SORCS1: variants seen among roughly 807,000 people sequenced by gnomAD.
The protein encoded by SORCS1 is VPS10 domain-containing receptor SorCS1.
A neutral mutation model predicts 146.1 loss-of-function variants in SORCS1; 60 were observed. The ratio of observed to expected loss-of-function variants is 0.41; its 90% CI spans 0.33 to 0.51. SORCS1 has a LOEUF of 0.51. Among genes scored for constraint, SORCS1 ranks in the 20% least tolerant of loss-of-function variants. The pLI is 0.21. For synonymous variants in SORCS1, 637 were observed against 584.0 expected (o/e 1.09, Z -1.31); for missense variants, 1,352 against 1,487.6 (o/e 0.91, Z 1.50).
At chr10:107,068,827 G>A (rs1251219400) in intron 1 of SORCS1, among the ~76,000 whole-genome samples, 2 of 145,994 alleles carry the variant, frequency 1.4e-5, no homozygotes, top group African/African-American at 5.1e-5. Context: ...AAGAGATCGT[G>A]CCACTGCACT....
intron 1 of SORCS1, among the ~76,000 whole-genome samples, chr10:107,157,619 T>C (rs1226600256): frequency 5.3e-5 from 8 of 152,260 alleles, no homozygotes; most frequent in Non-Finnish European, 1.2e-4. Flanking sequence ...CATATGTGTG[T>C]AAAATCTCAC....
intron 2 of SORCS1, among the ~76,000 whole-genome samples, chr10:106,950,046 A>C (rs545128938): frequency 6.6e-6 from 1 of 152,230 alleles, no homozygotes; most frequent in African/African-American, 2.4e-5. Flanking sequence ...TACCAATATG[A>C]TAAAACCACC....
intron 6 of SORCS1, among the ~76,000 whole-genome samples, chr10:106,727,181 T>G (rs1440432845): frequency 1.3e-5 from 2 of 152,004 alleles, no homozygotes; most frequent in Non-Finnish European, 2.9e-5. Context: ...GTAGCATACA[T>G]GCTAAGGTTT....
chr10:107,035,426 G>A (rs939863949), intron 1 of SORCS1, among the ~76,000 whole-genome samples: 2 of 152,014 alleles, frequency 1.3e-5, no homozygotes, highest in Admixed American at 6.6e-5. Flanking sequence ...CCTGAACCCC[G>A]CAGCTTAGTG....
intron 1 of SORCS1, among the ~76,000 whole-genome samples, chr10:107,101,747 T>TTG (rs1458713194): frequency 8.0e-6 from 1 of 125,090 alleles, no homozygotes; most frequent in Non-Finnish European, 1.8e-5. Context: ...CATGGGCTAA[T>TTG]TATGTGTGTG....
intron 17 of SORCS1, among the ~76,000 whole-genome samples, chr10:106,666,836 G>A (rs1053124075): frequency 2.0e-5 from 3 of 151,928 alleles, no homozygotes; most frequent in African/African-American, 7.3e-5. Context: ...AAAGTGCAGT[G>A]CTGGGACTAC....
chr10:107,056,880 A>AT (rs1305639572), intron 1 of SORCS1, among the ~76,000 whole-genome samples: 2 of 152,230 alleles, frequency 1.3e-5, no homozygotes, highest in Non-Finnish European at 2.9e-5. Flanking sequence ...GGTAATGGAT[A>AT]TATTTCAAAC....
chr10:106,890,598 G>C (rs987282663), intron 2 of SORCS1, among the ~76,000 whole-genome samples: 3 of 152,156 alleles, frequency 2.0e-5, no homozygotes, highest in African/African-American at 7.2e-5. Flanking sequence ...ACAGAAACTG[G>C]TCAAATAAAT....
chr10:106,806,316 C>G (rs1015452743), intron 3 of SORCS1, among the ~76,000 whole-genome samples: 1 of 150,052 alleles, frequency 6.7e-6, no homozygotes, highest in African/African-American at 2.5e-5. Flanking sequence ...TGCAGTGAGC[C>G]GAGATCAGGC....
At chr10:106,917,691 CT>C (rs1280744671) in intron 2 of SORCS1, among the ~76,000 whole-genome samples, 1 of 152,176 alleles carries the variant, frequency 6.6e-6, no homozygotes, top group Non-Finnish European at 1.5e-5. Context: ...AAATCTGCCC[CT>C]GACACCCTGC....
intron 1 of SORCS1, among the ~76,000 whole-genome samples, chr10:107,095,182 G>A (rs1480600022): frequency 6.6e-6 from 1 of 152,172 alleles, no homozygotes; most frequent in African/African-American, 2.4e-5. Context: ...CCAGTCTTGG[G>A]AAAAAATATA....
chr10:106,578,238 G>A lies in SORCS1; in HGVS notation c.3372-683C>T, dbSNP rs557377141. Reference sequence around the variant, plus strand: ...TCAGCAATAGTGGCTTCATAGGTTTGTCTAGCTTCCTGGAAAATTTCTGCT... The same window carrying A: ...TCAGCAATAGTGGCTTCATAGGTTTATCTAGCTTCCTGGAAAATTTCTGCT... On this transcript the variant is annotated intron_variant, in intron 25 of 25. Transcript: ENST00000263054. 8.5e-5 allele frequency: 13 copies of A among 152,246 alleles called. No individual in the cohort carries two copies. The East Asian group carries it at 2.5e-3, about 29-fold the overall frequency. 9.4% of individuals were successfully genotyped at this position (152,246 alleles called of 1,614,324 possible). A position where few individuals can be genotyped will look rare whatever the true frequency, so the allele number is the denominator to read the frequency against.
At chr10:107,021,731 C>T (rs1338748173) in intron 1 of SORCS1, among the ~76,000 whole-genome samples, 1 of 151,898 alleles carries the variant, frequency 6.6e-6, no homozygotes, top group Admixed American at 6.6e-5. Flanking sequence ...AGTATCTTCC[C>T]TAAGAGTTAA....
chr10:106,706,077 T>C (rs1854497025), intron 8 of SORCS1, among the ~76,000 whole-genome samples: 1 of 152,132 alleles, frequency 6.6e-6, no homozygotes, highest in African/African-American at 2.4e-5. Flanking sequence ...CAAAAAATAT[T>C]TTCTGTCTTG....
chr10:106,638,662 A>C (rs1041351266), intron 18 of SORCS1, among the ~76,000 whole-genome samples: 4 of 152,090 alleles, frequency 2.6e-5, no homozygotes, highest in African/African-American at 9.7e-5. Flanking sequence ...AAGTCATAAG[A>C]CCTCTTCTAT....
chr10:106,885,061 CAG>C (rs1207992096), intron 2 of SORCS1, among the ~76,000 whole-genome samples: 1 of 152,062 alleles, frequency 6.6e-6, no homozygotes. Flanking sequence ...ATACTGAAGA[CAG>C]TGTGTGATTT....
At chr10:106,749,979 T>C (rs13376937) in intron 5 of SORCS1, among the ~76,000 whole-genome samples, 31,106 of 152,046 alleles carry the variant, frequency 0.2, 3,790 homozygotes, top group East Asian at 0.48. Flanking sequence ...TTTTACACAT[T>C]AAACACCATC....
intron 3 of SORCS1, among the ~76,000 whole-genome samples, chr10:106,780,245 A>G (rs1054697377): frequency 1.3e-4 from 20 of 152,338 alleles, no homozygotes; most frequent in Non-Finnish European, 2.4e-4. Context: ...CAAATTAGCA[A>G]ATATTCTTCA....
At chr10:106,698,118 A>G (rs17263895) in intron 9 of SORCS1, among the ~76,000 whole-genome samples, 3,672 of 152,342 alleles carry the variant, frequency 0.024, 95 homozygotes, top group South Asian at 0.081. Flanking sequence ...GTTTACTAAC[A>G]TGCTTTTATA....
Sources: allele counts gnomAD v4.1 joint callset (sites outside exome capture counted in the v4.1 genomes callset), GRCh38; gene constraint gnomAD v4.1.1; transcripts MANE v1.5; gene names NCBI Gene and HGNC (gene_info 2026-07-23, HGNC 2026-07-21).